The following KIAA1210 variants were observed in gnomAD, a reference collection of about 807,000 sequenced individuals.
The protein encoded by KIAA1210 is acrosomal protein KIAA1210.
Under a neutral mutation model 78.9 loss-of-function variants are expected in KIAA1210, and 48 were observed. The ratio of observed to expected loss-of-function variants is 0.61; its 90% CI spans 0.48 to 0.77. The LOEUF (loss-of-function observed/expected upper bound fraction) is 0.77. KIAA1210 is among the 30% of genes least tolerant of loss of function. The pLI is 0.00. For synonymous variants in KIAA1210, 406 were observed against 404.5 expected (o/e 1.00, Z -0.04); for missense variants, 1,108 against 1,100.0 (o/e 1.01, Z -0.10).
chrX:119,122,803 G>A (rs1928509522), intron 2 of KIAA1210, among the ~76,000 whole-genome samples: 2 of 112,011 alleles, frequency 1.8e-5, no homozygotes, highest in African/African-American at 6.5e-5. Flanking sequence ...AAGAATCTGT[G>A]ATCAGGCTCT....
intron 8 of KIAA1210, 104 bp from the exon 9 acceptor site, chrX:119,089,850 T>C (rs943880039): frequency 2.6e-6 from 2 of 774,192 alleles, no homozygotes; most frequent in Non-Finnish European, 3.7e-6. Flanking sequence ...CTACTAAATT[T>C]CCTAGTATGA....
intron 10 of KIAA1210, 48 bp from the exon 11 acceptor site, chrX:119,083,168 A>G (rs1347570201): frequency 1.0e-6 from 1 of 992,625 alleles, no homozygotes; most frequent in Non-Finnish European, 1.4e-6. Context: ...CTGACATTAA[A>G]ATGGCAGATT....
At chrX:119,137,312 A>G (rs1010470895) in intron 2 of KIAA1210, among the ~76,000 whole-genome samples, 2 of 112,460 alleles carry the variant, frequency 1.8e-5, no homozygotes, top group African/African-American at 6.5e-5. Context: ...GAATCTAGGC[A>G]ATCTGACTCC....
intron 6 of KIAA1210, among the ~76,000 whole-genome samples, chrX:119,100,313 G>A (rs1603267109): frequency 1.3e-5 from 1 of 75,785 alleles, no homozygotes; most frequent in Non-Finnish European, 2.3e-5. Flanking sequence ...CTGGGCAACA[G>A]AGCAAGACTG....
intron 5 of KIAA1210, 76 bp from the exon 6 acceptor site, chrX:119,105,223 T>G: frequency 1.0e-6 from 1 of 990,507 alleles, no homozygotes; most frequent in Non-Finnish European, 1.4e-6. Flanking sequence ...TCTCTTATTC[T>G]TTAATAAGAG....
chrX:119,103,819 CATT>C (rs1927806653), intron 6 of KIAA1210, among the ~76,000 whole-genome samples: 1 of 112,067 alleles, frequency 8.9e-6, no homozygotes, highest in Non-Finnish European at 1.9e-5. Context: ...ACCTCAAACA[CATT>C]ATGCTAAGTG....
chrX:119,087,279 A>T lies in KIAA1210; in HGVS notation c.3423T>A (p.Ser1141=), dbSNP rs1452900692. 8.3e-7 allele frequency: 1 copy of T among 1,209,294 alleles called. No homozygotes were observed. The highest frequency in any genetic ancestry group is 2.2e-5 in the Admixed American group (1 of 45,705). Residue 1141 remains serine (S), a synonymous_variant, in exon 9 of 12, where the codon TCT becomes TCA. Coordinates refer to ENST00000691062, the MANE Select transcript of KIAA1210 (RefSeq NM_001394962.1). ...EQKVSPVSAS[S]PKEWRNSKKQ... ...TTTTAGAATTCCTCCACTCTTTAGG[A>T]GAACTGGCAGAAACAGGGGAGACTT... is the stretch of plus-strand genomic sequence containing the variant.
chrX:119,092,528 A>G (rs763009852), intron 8 of KIAA1210, among the ~76,000 whole-genome samples: 32 of 111,649 alleles, frequency 2.9e-4, no homozygotes, highest in Admixed American at 8.6e-4. Flanking sequence ...TTGGGAGGCC[A>G]AGGTGGGCAG....
At chrX:119,148,296 G>A (rs1313221370) in intron 1 of KIAA1210, among the ~76,000 whole-genome samples, 1 of 111,764 alleles carries the variant, frequency 8.9e-6, no homozygotes, top group African/African-American at 3.3e-5. Context: ...GAGCTAGACA[G>A]CTCTGTGCTG....
rs774310773 is a variant in KIAA1210 at position 119,109,160 on chromosome X, G to T, written c.273C>A (p.Ser91Arg). The stretch of plus-strand genomic sequence containing the variant: ...CAGGCTCAGGACCCAACATGAAGAT[G>T]CTATCATGGGATAGGGCTTTGCTCC... ...SMGSKALSHD[S>R]IFMLGPEPER... The change falls in exon 4 of 12, where the codon AGC becomes AGA. Residue 91 changes from serine (S) to arginine (R), a missense_variant. By Grantham distance (110) the Ser-to-Arg change is moderately radical. Around this residue, in one of 5 missense-constraint regions of KIAA1210, gnomAD observed 672 missense variants for 607.1 expected, o/e 1.11. Transcript: ENST00000691062. The T allele has an allele frequency of 3.3e-6, 4 of 1,206,304 alleles. No homozygotes were observed. In the South Asian group the frequency reaches 7.1e-5, roughly 22 times the overall value.
At chrX:119,115,046 G>T (rs1928211040) in intron 3 of KIAA1210, among the ~76,000 whole-genome samples, 1 of 111,437 alleles carries the variant, frequency 9.0e-6, no homozygotes, top group South Asian at 3.8e-4. Flanking sequence ...GCCAGGGGAA[G>T]GCTGGTCATA....
chrX:119,138,980 A>G lies in KIAA1210; in HGVS notation c.410+8493T>C, dbSNP rs772460221. On this transcript the variant is annotated intron_variant, in intron 2 of 13. Transcript: ENST00000402510. Reference sequence around the variant, plus strand: ...CATGTGAGGAATAAATGAGATGCATAGAAAGTAGCACAGTGCCTGGCACAA... The same window carrying G: ...CATGTGAGGAATAAATGAGATGCATGGAAAGTAGCACAGTGCCTGGCACAA... Among the ~76,000 whole-genome samples, 3 of 112,425 alleles carry G rather than the reference A, an allele frequency of 2.7e-5. No homozygotes were observed. In the East Asian group the frequency reaches 8.4e-4, roughly 32 times the overall value.
chrX:119,102,504 G>A (rs1238730774), intron 6 of KIAA1210, among the ~76,000 whole-genome samples: 1 of 109,434 alleles, frequency 9.1e-6, no homozygotes, highest in Non-Finnish European at 1.9e-5. Context: ...TCAGCCTCCC[G>A]AGTATCTGGG....
intron 8 of KIAA1210, 114 bp from the exon 9 acceptor site, chrX:119,089,860 A>T: frequency 1.5e-6 from 1 of 682,884 alleles, no homozygotes; most frequent in Non-Finnish European, 2.2e-6. Flanking sequence ...TCCTAGTATG[A>T]GGAAGCAGCT....
Position 119,085,437 on chromosome X carries a change from C to T in KIAA1210, c.4266G>A (p.Leu1422=). 8.3e-7 allele frequency: 1 copy of T among 1,211,691 alleles called. No homozygotes were observed. The highest frequency in any genetic ancestry group is 3.0e-5 in the East Asian group (1 of 33,835). ...CGGCTCCAGCATTGCTCTTAGTTTTCAGCTCTTTCACAGAAATGTGGGCCT... is the reference window on the plus strand; with the variant it reads ...CGGCTCCAGCATTGCTCTTAGTTTTTAGCTCTTTCACAGAAATGTGGGCCT... ...SFKAHISVKE[L]KTKSNAGADA... is the part of the protein sequence containing the mutation. Residue 1422 remains leucine, a synonymous_variant, in exon 10 of 12, where the codon CTG becomes CTA. Coordinates refer to ENST00000691062, the MANE Select transcript of KIAA1210 (RefSeq NM_001394962.1).
At chrX:119,144,404 AC>A (rs1482102148) in intron 2 of KIAA1210, among the ~76,000 whole-genome samples, 1 of 112,674 alleles carries the variant, frequency 8.9e-6, no homozygotes, top group Non-Finnish European at 1.9e-5. Flanking sequence ...TAATGTGCAA[AC>A]TTTTGGCACA....
intron 1 of KIAA1210, among the ~76,000 whole-genome samples, 157 bp from the exon 2 acceptor site, chrX:119,123,809 C>T (rs1428858392): frequency 8.9e-6 from 1 of 111,875 alleles, no homozygotes; most frequent in Non-Finnish European, 1.9e-5. Context: ...AATTATCCTT[C>T]CTTTAAAAAA....
At chrX:119,141,118 A>G (rs1929041243) in intron 2 of KIAA1210, among the ~76,000 whole-genome samples, 1 of 111,703 alleles carries the variant, frequency 9.0e-6, no homozygotes, top group Non-Finnish European at 1.9e-5. Context: ...CCGTGCTCCC[A>G]GGACCCTTTC....
intron 9 of KIAA1210, 85 bp downstream of exon 9, chrX:119,086,461 T>A: frequency 1.1e-6 from 1 of 916,488 alleles, no homozygotes; most frequent in South Asian, 2.5e-5. Flanking sequence ...AAGACTAGAA[T>A]AGACTTTAAT....
Sources: gnomAD v4.1 joint callset for allele counts (sites outside exome capture counted in the v4.1 genomes callset) on GRCh38, gnomAD v4.1.1 for gene constraint, gnomAD v4.1.1 regional missense constraint, MANE v1.5 for transcripts, NCBI Gene and HGNC (gene_info 2026-07-23, HGNC 2026-07-21) for gene names.